Variants in MYCBP2 observed in about 807,000 individuals in gnomAD.
MYCBP2 encodes MYC binding protein 2.
Under a neutral mutation model 525.3 loss-of-function variants are expected in MYCBP2, and 120 were observed. The ratio of observed to expected loss-of-function variants is 0.23; its 90% confidence interval spans 0.20 to 0.27. The LOEUF (loss-of-function observed/expected upper bound fraction) is 0.27, where lower values mean the gene tolerates loss of function less well. MYCBP2 is among the 10% of genes least tolerant of loss of function. The pLI, the probability that MYCBP2 is intolerant of heterozygous loss-of-function variation, is 1.00. For missense variants in MYCBP2, 4,149 were observed against 5,657.1 expected, an observed-to-expected ratio of 0.73 and a Z score of 8.55; for synonymous variants, 1,894 against 1,955.8, an observed-to-expected ratio of 0.97 and a Z score of 0.83.
At chr13:77,163,986 A>G (rs778602529) in intron 43 of MYCBP2, among the ~76,000 whole-genome samples, 1 of 152,168 alleles carries the variant, frequency 6.6e-6, no homozygotes, top group Non-Finnish European at 1.5e-5. Flanking sequence ...ATCCTAAGCT[A>G]TCTTCTCTTT....
intron 46 of MYCBP2, among the ~76,000 whole-genome samples, chr13:77,151,325 T>C (rs1424193581): frequency 6.6e-6 from 1 of 152,200 alleles, no homozygotes; most frequent in Non-Finnish European, 1.5e-5. Flanking sequence ...TTTCCCACAA[T>C]CTCAGCACAT....
chr13:77,097,251 C>A (rs1333470534), intron 56 of MYCBP2, 119 bp downstream of exon 56: 2 of 1,350,626 alleles, frequency 1.5e-6, no homozygotes, highest in Non-Finnish European at 2.0e-6. Flanking sequence ...TTAAAAATGA[C>A]ATTCTAAGAT....
intron 42 of MYCBP2, 53 bp from the exon 43 acceptor site, chr13:77,164,594 G>T: frequency 4.9e-6 from 5 of 1,019,736 alleles, no homozygotes; most frequent in Non-Finnish European, 7.8e-6. Flanking sequence ...TGATAATACG[G>T]ATTATCAACA....
In MYCBP2 at chr13:77,098,165, T is replaced by C. The variant is rs778372679; in HGVS notation, c.8989A>G (p.Thr2997Ala). 4.3e-6 allele frequency: 7 copies of C among 1,613,644 alleles called. No homozygotes were observed. Among genetic ancestry groups the C allele is most frequent in the Admixed American group, 1.7e-5 (1 of 59,950 alleles). Reference protein sequence around the residue: ...KISRKCANRHTRPKKEKSSFL... With the variant: ...KISRKCANRHARPKKEKSSFL... ...CTCGATTTTTCTTTTTTGGGCCTGG[T>C]GTGTCTATTAGCACATTTTCGACTT... The change falls in exon 56 of 83, where the codon ACC (threonine) becomes GCC (alanine). Residue 2997 changes from threonine (T) to alanine (A), a missense_variant. Physicochemically the swap from Thr to Ala is moderately conservative, Grantham distance 58. Transcript: ENST00000544440.
chr13:77,069,093 A>G (rs2040671667), intron 69 of MYCBP2, among the ~76,000 whole-genome samples: 2 of 152,216 alleles, frequency 1.3e-5, no homozygotes. Context: ...ATTAATGCCT[A>G]TGCTTACAGT....
At chr13:77,109,463 C>A (rs1333288094) in intron 55 of MYCBP2, among the ~76,000 whole-genome samples, 2 of 152,210 alleles carry the variant, frequency 1.3e-5, no homozygotes, top group Non-Finnish European at 2.9e-5. Flanking sequence ...CAGTATTGGT[C>A]TGTGGCCTGG....
intron 38 of MYCBP2, among the ~76,000 whole-genome samples, chr13:77,171,076 C>A (rs940275643): frequency 6.6e-6 from 1 of 152,040 alleles, no homozygotes; most frequent in Non-Finnish European, 1.5e-5. Context: ...AGAGAGATTC[C>A]AATGGAAAAA....
At chr13:77,170,320 A>C (rs1272554067) in intron 38 of MYCBP2, among the ~76,000 whole-genome samples, 1 of 152,240 alleles carries the variant, frequency 6.6e-6, no homozygotes, top group Non-Finnish European at 1.5e-5. Context: ...ATCCATGAAC[A>C]TGGTGCTGGA....
chr13:77,102,819 A>T (rs2047276000), intron 55 of MYCBP2, among the ~76,000 whole-genome samples: 1 of 151,916 alleles, frequency 6.6e-6, no homozygotes, highest in South Asian at 2.1e-4. Context: ...ATATTATATA[A>T]CAATAAGTTT....
At chr13:77,130,277 A>C (rs1258321984) in intron 52 of MYCBP2, among the ~76,000 whole-genome samples, 2 of 151,804 alleles carry the variant, frequency 1.3e-5, no homozygotes, top group East Asian at 3.9e-4. Context: ...ATTCCTTATC[A>C]ATTATAAGTC....
chr13:77,225,316 G>A, intron 19 of MYCBP2, 119 bp downstream of exon 19: 1 of 1,313,930 alleles, frequency 7.6e-7, no homozygotes, highest in Non-Finnish European at 1.1e-6. Flanking sequence ...AGATTTGAGA[G>A]ACTGCCACGC....
At chr13:77,096,129 A>G (rs1424316346) in intron 57 of MYCBP2, among the ~76,000 whole-genome samples, 183 bp downstream of exon 57, 1 of 152,142 alleles carries the variant, frequency 6.6e-6, no homozygotes, top group African/African-American at 2.4e-5. Context: ...TATATAGTTA[A>G]TTTTTAAAAT....
intron 28 of MYCBP2, among the ~76,000 whole-genome samples, chr13:77,191,405 T>C (rs987954585): frequency 3.3e-5 from 5 of 152,148 alleles, no homozygotes; most frequent in Non-Finnish European, 7.4e-5. Context: ...TCTATATAAT[T>C]TCTAATTTGG....
intron 42 of MYCBP2, 49 bp from the exon 43 acceptor site, chr13:77,164,590 T>C (rs767831573): frequency 9.2e-7 from 1 of 1,085,674 alleles, no homozygotes; most frequent in East Asian, 2.4e-5. Flanking sequence ...TGAATGATAA[T>C]ACGGATTATC....
chr13:77,077,218 G>A lies in MYCBP2; in HGVS notation c.11654C>T (p.Ser3885Leu). 6.2e-7 allele frequency: 1 copy of A among 1,614,036 alleles called. No individual in the cohort carries two copies. Among genetic ancestry groups the A allele is most frequent in the Non-Finnish European group, 8.5e-7 (1 of 1,179,982 alleles). The change falls in exon 67 of 83, where the codon TCA becomes TTA. Residue 3885 changes from serine (S) to leucine (L), a missense_variant. Ser to Leu is a moderately radical substitution (Grantham distance 145). Transcript: ENST00000544440. ...GESTKIAGQI[S>L]ASVAQQRNCE... ...GTTCCTCTGCTGGGCCACACTGGCT[G>A]AAATCTGGCCAGCTATTTTTGTGCT...
chr13:77,230,122 C>T (rs2066923963), intron 18 of MYCBP2, among the ~76,000 whole-genome samples: 1 of 152,162 alleles, frequency 6.6e-6, no homozygotes, highest in Admixed American at 6.5e-5. Flanking sequence ...TAGTCAATAT[C>T]TGCCTGTATA....
Position 77,058,515 on chromosome 13 carries a change from T to A in MYCBP2, c.13141-109A>T. On this transcript the variant is annotated intron_variant, in intron 77 of 82. Coordinates refer to ENST00000544440, the MANE Select transcript of MYCBP2 (RefSeq NM_015057.5). The surrounding 1 kb of genome is among the most constrained non-coding windows in gnomAD (Gnocchi z 4.1). ...AGATTACTTTCCCACAGGAAGTATC[T>A]ATGCAGGCCAAGTAACAACAAAGTA... The A allele has an allele frequency of 1.2e-6, 1 of 859,722 alleles. No homozygotes were observed. Among genetic ancestry groups the A allele is most frequent in the Non-Finnish European group, 1.7e-6 (1 of 595,014 alleles). 53.3% of individuals were successfully genotyped at this position (859,722 alleles called of 1,614,324 possible). A position where few individuals can be genotyped will look rare whatever the true frequency, so the allele number is the denominator to read the frequency against.
chr13:77,089,669 G>A (rs1168999547), intron 60 of MYCBP2, among the ~76,000 whole-genome samples: 1 of 145,756 alleles, frequency 6.9e-6, no homozygotes, highest in Non-Finnish European at 1.5e-5. Flanking sequence ...TTTTTAAATC[G>A]ATTAAGGGCT....
In MYCBP2 at chr13:77,090,239, A is replaced by G. The variant is rs909606290; in HGVS notation, c.10392T>C (p.Asp3464=). 1.4e-5 allele frequency: 22 copies of G among 1,612,058 alleles called. No homozygotes were observed. Among genetic ancestry groups the G allele is most frequent in the Non-Finnish European group, 1.8e-5 (21 of 1,178,950 alleles). ...AGACAGTTCTCTTTGCAAGATCAGT[A>G]TCAGTTATGGGACTGGTTTCTAAAC... ...PPSLETSPIT[D]TDLAKRTVFQ... Residue 3464 remains aspartate (D), a synonymous_variant, in exon 60 of 83, where the codon GAT becomes GAC. Transcript: ENST00000544440.
Sources: allele counts gnomAD v4.1 joint callset (sites outside exome capture counted in the v4.1 genomes callset), GRCh38; gene constraint gnomAD v4.1.1; non-coding constraint Gnocchi (gnomAD v3.1); transcripts MANE v1.5; gene names NCBI Gene and HGNC (gene_info 2026-07-23, HGNC 2026-07-21).